The following GSPT1 variants were observed in gnomAD, a reference collection of about 807,000 sequenced individuals.
GSPT1 encodes eukaryotic peptide chain release factor GTP-binding subunit ERF3A.
In GSPT1, 20 loss-of-function variants were observed where a neutral mutation model predicts 72.5. That is an observed-to-expected ratio of 0.28 (90% CI 0.19 to 0.40). The LOEUF is 0.40. GSPT1 is among the 10% of genes least tolerant of loss of function. GSPT1 has a pLI of 1.00. For missense variants in GSPT1, 580 were observed against 811.9 expected, an observed-to-expected ratio of 0.71 and a Z score of 3.47; for synonymous variants, 334 against 293.5, an observed-to-expected ratio of 1.14 and a Z score of -1.41.
At chr16:11,884,834 C>T (rs566604668) in intron 10 of GSPT1, among the ~76,000 whole-genome samples, 5 of 150,786 alleles carry the variant, frequency 3.3e-5, no homozygotes, top group East Asian at 2.0e-4. Context: ...TGGGGGAGGC[C>T]GAGGCAGGTG....
chr16:11,909,405 T>C (rs2054529614), intron 1 of GSPT1, among the ~76,000 whole-genome samples: 1 of 152,190 alleles, frequency 6.6e-6, no homozygotes, highest in African/African-American at 2.4e-5. Flanking sequence ...AACTGTCAGT[T>C]TTCTTGATTG....
chr16:11,913,799 T>C (rs2054590305), intron 1 of GSPT1, among the ~76,000 whole-genome samples: 2 of 152,216 alleles, frequency 1.3e-5, no homozygotes, highest in Non-Finnish European at 2.9e-5. Context: ...AGCTTCCTTA[T>C]TCAAGAGGAA....
chr16:11,876,729 C>T (rs1435319152), intron 12 of GSPT1, among the ~76,000 whole-genome samples: 1 of 152,118 alleles, frequency 6.6e-6, no homozygotes, highest in East Asian at 1.9e-4. Flanking sequence ...GGTGACAGAG[C>T]AAGACCCCAT....
At chr16:11,884,207 G>C (rs2054159229) in intron 10 of GSPT1, among the ~76,000 whole-genome samples, 1 of 152,146 alleles carries the variant, frequency 6.6e-6, no homozygotes, top group Non-Finnish European at 1.5e-5. Flanking sequence ...TGGTGAGGCT[G>C]TGGTAAAACT....
rs2054249141 is a variant in GSPT1 at position 11,890,792 on chromosome 16, A to G, written c.776+270T>C. The G allele has an allele frequency of 1.2e-5, 3 of 240,998 alleles. No individual in the cohort carries two copies. The East Asian group carries it at 2.8e-4, about 23-fold the overall frequency. 14.9% of individuals were successfully genotyped at this position (240,998 alleles called of 1,614,324 possible). A position where few individuals can be genotyped will look rare whatever the true frequency, so the allele number is the denominator to read the frequency against. ...ATAAATTATGTAAATGTAAGTTTTC[A>G]GTGGTTGCAAAATCACCCAATTAAA... On this transcript the variant is annotated intron_variant, in intron 6 of 14. Coordinates refer to ENST00000434724, the MANE Select transcript of GSPT1 (RefSeq NM_002094.4).
chr16:11,869,674 A>G lies in GSPT1; in HGVS notation c.*3445T>C, dbSNP rs1309796389. 1 of 152,244 alleles carries G rather than the reference A, an allele frequency of 6.6e-6. No individual in the cohort carries two copies. The highest frequency in any genetic ancestry group is 1.5e-5 in the Non-Finnish European group (1 of 68,046). The allele number at this position is 152,244 out of a possible 1,614,324, so 9.4% of individuals were successfully genotyped here. A position where few individuals can be genotyped will look rare whatever the true frequency, so the allele number is the denominator to read the frequency against. ...AATCCCTACCCAAAGCAATGAAGCT[A>G]TCATCCATGAAGTAGCAGTCCATGA... On this transcript the variant is annotated 3_prime_UTR_variant, in exon 15 of 15. Transcript: ENST00000434724.
Position 11,875,898 on chromosome 16 carries a change from C to G in GSPT1, c.1724G>C (p.Gly575Ala). Reference protein sequence around the residue: ...ALICLVDKKSGEKSKTRPRFV... With the variant: ...ALICLVDKKSAEKSKTRPRFV... ...ACGGGGTCGGGTCTTACTTTTTTCTCCTGATTTTTTGTCTACCAAGCAGAT... is the reference window on the plus strand; with the variant it reads ...ACGGGGTCGGGTCTTACTTTTTTCTGCTGATTTTTTGTCTACCAAGCAGAT... Residue 575 changes from glycine to alanine, a missense_variant, in exon 14 of 15, where the codon GGA becomes GCA. This residue lies in a region of GSPT1 where 120 missense variants were observed against 242.5 expected (regional missense o/e 0.49). Coordinates refer to ENST00000434724, the MANE Select transcript of GSPT1 (RefSeq NM_002094.4). The G allele has an allele frequency of 6.2e-7, 1 of 1,613,360 alleles. No homozygotes were observed. Among genetic ancestry groups the G allele is most frequent in the South Asian group, 1.1e-5 (1 of 90,996 alleles).
intron 11 of GSPT1, among the ~76,000 whole-genome samples, chr16:11,879,383 G>A (rs552540525): frequency 6.6e-5 from 10 of 151,126 alleles, no homozygotes; most frequent in African/African-American, 2.4e-4. Context: ...CACAGAAGGA[G>A]ACTCCGTCTC....
chr16:11,874,851 T>G (rs1234317968), intron 14 of GSPT1, among the ~76,000 whole-genome samples: 2 of 152,200 alleles, frequency 1.3e-5, no homozygotes, highest in South Asian at 2.1e-4. Context: ...CTATAAAGTT[T>G]TATGTAAAGT....
At chr16:11,913,575 C>A (rs2054587443) in intron 1 of GSPT1, among the ~76,000 whole-genome samples, 1 of 152,276 alleles carries the variant, frequency 6.6e-6, no homozygotes, top group East Asian at 1.9e-4. Context: ...GTTGGTTATC[C>A]CCGGATGACT....
chr16:11,907,278 TAGCA>T (rs1167270440), intron 1 of GSPT1, among the ~76,000 whole-genome samples: 1 of 152,190 alleles, frequency 6.6e-6, no homozygotes, highest in Non-Finnish European at 1.5e-5. Context: ...AGGAAAGCAC[TAGCA>T]GTCACTACTA....
chr16:11,907,993 G>T (rs972742714), intron 1 of GSPT1, among the ~76,000 whole-genome samples: 6 of 152,228 alleles, frequency 3.9e-5, no homozygotes, highest in Non-Finnish European at 8.8e-5. Context: ...TGTAATCCCA[G>T]CACTTTGGGA....
At chr16:11,911,639 G>A (rs937117187) in intron 1 of GSPT1, among the ~76,000 whole-genome samples, 80 of 140,628 alleles carry the variant, frequency 5.7e-4, no homozygotes, top group African/African-American at 1.9e-3. Flanking sequence ...TGCAACCTCC[G>A]CCTCCCAGAT....
chr16:11,903,258 C>A (rs910056044), intron 1 of GSPT1, among the ~76,000 whole-genome samples: 2 of 152,176 alleles, frequency 1.3e-5, no homozygotes, highest in Middle Eastern at 3.4e-3. Flanking sequence ...TGACTATAAT[C>A]CCAGCACTTT....
intron 5 of GSPT1, among the ~76,000 whole-genome samples, chr16:11,893,876 G>C (rs1328661262): frequency 1.3e-5 from 2 of 152,000 alleles, no homozygotes; most frequent in Non-Finnish European, 2.9e-5. Context: ...TGATTAGCCA[G>C]GTGTGGTTAA....
chr16:11,883,168 A>T (rs971004686), intron 10 of GSPT1, 73 bp from the exon 11 acceptor site: 7 of 858,656 alleles, frequency 8.2e-6, no homozygotes, highest in African/African-American at 5.0e-5. Context: ...CCCAAAGTGA[A>T]ATTCTACACT....
At chr16:11,900,427 G>C (rs935438226) in intron 1 of GSPT1, among the ~76,000 whole-genome samples, 1 of 151,908 alleles carries the variant, frequency 6.6e-6, no homozygotes, top group African/African-American at 2.4e-5. Context: ...AATCCATATT[G>C]TGTAGGGAGT....
At chr16:11,887,021 GTT>G (rs34304551) in intron 7 of GSPT1, 90 bp from the exon 8 acceptor site, 3,016 of 541,436 alleles carry the variant, frequency 5.6e-3, no homozygotes, top group South Asian at 7.2e-3. Flanking sequence ...TATATCACGA[GTT>G]TTTTTTTTTT....
chr16:11,868,898 T>G lies in GSPT1; in HGVS notation c.*4221A>C, dbSNP rs2053948521. The G allele has an allele frequency of 1.3e-5, 2 of 152,350 alleles. No homozygotes were observed. Among genetic ancestry groups the G allele is most frequent in the South Asian group, 4.1e-4 (2 of 4,826 alleles). The allele number at this position is 152,350 out of a possible 1,614,324, so 9.4% of individuals were successfully genotyped here. A position where few individuals can be genotyped will look rare whatever the true frequency, so the allele number is the denominator to read the frequency against. On this transcript the variant is annotated 3_prime_UTR_variant, in exon 15 of 15. Coordinates refer to ENST00000434724, the MANE Select transcript of GSPT1 (RefSeq NM_002094.4). Reference sequence around the variant, plus strand: ...GTAGTACCAACCTGCTTTTCCCTTATATTGGAGAACATAAAGGTTTTAATT... The same window carrying G: ...GTAGTACCAACCTGCTTTTCCCTTAGATTGGAGAACATAAAGGTTTTAATT...
Sources: allele counts gnomAD v4.1 joint callset (sites outside exome capture counted in the v4.1 genomes callset), GRCh38; gene constraint gnomAD v4.1.1; regional missense constraint gnomAD v4.1.1; transcripts MANE v1.5; gene names NCBI Gene and HGNC (gene_info 2026-07-23, HGNC 2026-07-21).